USP48: variants seen among roughly 807,000 people sequenced by gnomAD.
USP48 encodes ubiquitin specific peptidase 48.
Under a neutral mutation model 150.7 loss-of-function variants are expected in USP48, and 43 were observed. The observed-to-expected ratio is 0.29, with a 90% CI of 0.22 to 0.37. USP48 has a LOEUF of 0.37. Ranked by LOEUF, USP48 falls within the 10% of genes least tolerant of loss-of-function variation. USP48 has a pLI of 1.00. For synonymous variants in USP48, 396 were observed against 425.9 expected, an observed-to-expected ratio of 0.93 and a Z score of 0.86; for missense variants, 813 against 1,249.6, an observed-to-expected ratio of 0.65 and a Z score of 5.27.
intron 12 of USP48, 40 bp downstream of exon 12, chr1:21,723,858 G>T: frequency 1.3e-6 from 2 of 1,554,728 alleles, no homozygotes; most frequent in Non-Finnish European, 1.8e-6. Context: ...AAGATTTAAT[G>T]AGCTGCTCTT....
chr1:21,716,270 G>C (rs1200094741), intron 14 of USP48, among the ~76,000 whole-genome samples: 4 of 151,978 alleles, frequency 2.6e-5, no homozygotes, highest in Non-Finnish European at 5.9e-5. Flanking sequence ...CTTCCACTTT[G>C]AGATCATTAT....
rs897672355 is a variant in USP48 at position 21,693,540 on chromosome 1, A to C, written c.2883+1526T>G. ...GTGTGAACAGCTGCCATCTTCTAGC[A>C]GCTCATTCGGGCAGGTACATGCTCT... On this transcript the variant is annotated intron_variant, in intron 23 of 26. Coordinates refer to ENST00000308271, the MANE Select transcript of USP48 (RefSeq NM_032236.8). Among the ~76,000 whole-genome samples, 13 of 152,354 alleles carry C rather than the reference A, an allele frequency of 8.5e-5. No homozygotes were observed. The South Asian group carries it at 1.9e-3, about 22-fold the overall frequency.
chr1:21,706,814 C>T lies in USP48; in HGVS notation c.2018G>A (p.Ser673Asn). The part of the protein sequence containing the change: ...ERRLVSKEAW[S>N]KLQQYFPKAP... ...CTTTGGAAAGTACTGCTGCAGTTTG[C>T]TCCAAGCCTCTTTAGAAACAAGCCT... Residue 673 changes from serine (S) to asparagine (N), a missense_variant, in exon 16 of 27, where the codon AGC (serine) becomes AAC (asparagine). Transcript: ENST00000308271. The T allele has an allele frequency of 1.9e-6, 3 of 1,613,620 alleles. No individual in the cohort carries two copies. The highest frequency in any genetic ancestry group is 2.5e-6 in the Non-Finnish European group (3 of 1,179,968).
chr1:21,744,720 T>C (rs2097790130), intron 8 of USP48, among the ~76,000 whole-genome samples: 1 of 131,798 alleles, frequency 7.6e-6, no homozygotes, highest in Non-Finnish European at 1.5e-5. Context: ...GAGGGTGCAG[T>C]GAGCCGAGAT....
intron 22 of USP48, among the ~76,000 whole-genome samples, chr1:21,695,675 C>T (rs959379259): frequency 4.6e-5 from 7 of 152,184 alleles, no homozygotes; most frequent in African/African-American, 1.7e-4. Flanking sequence ...CACCACTGGA[C>T]TCCAGTCTGC....
intron 8 of USP48, among the ~76,000 whole-genome samples, chr1:21,741,118 T>C (rs1261507456): frequency 2.0e-5 from 3 of 152,184 alleles, no homozygotes; most frequent in Non-Finnish European, 4.4e-5. Flanking sequence ...GTGAGAATAA[T>C]AAATCAATTA....
chr1:21,679,517 C>T, intron 26 of USP48, 78 bp from the exon 27 acceptor site: 3 of 1,540,010 alleles, frequency 1.9e-6, no homozygotes, highest in Non-Finnish European at 2.7e-6. Context: ...ACCAAGAACA[C>T]ATCATCAACA....
chr1:21,752,734 G>C, intron 4 of USP48, 83 bp from the exon 5 acceptor site: 1 of 1,422,626 alleles, frequency 7.0e-7, no homozygotes, highest in South Asian at 1.4e-5. Context: ...CAACATTCCA[G>C]AAACTACCTA....
At chr1:21,706,081 C>T (rs2097671513) in intron 18 of USP48, 45 bp downstream of exon 18, 4 of 1,592,410 alleles carry the variant, frequency 2.5e-6, no homozygotes, top group Admixed American at 3.4e-5. Context: ...CCAGAGTCAA[C>T]CAAATCAGTA....
intron 1 of USP48, among the ~76,000 whole-genome samples, chr1:21,765,874 C>A (rs1312422144): frequency 7.4e-6 from 1 of 135,422 alleles, no homozygotes; most frequent in Admixed American, 7.7e-5. Flanking sequence ...GTGCTCCGGC[C>A]TGGGCAACAA....
At chr1:21,701,104 T>G (rs1422977637) in intron 22 of USP48, among the ~76,000 whole-genome samples, 2 of 147,440 alleles carry the variant, frequency 1.4e-5, no homozygotes, top group African/African-American at 5.0e-5. Context: ...CGGTGGCTCC[T>G]GCCTGTAATC....
At chr1:21,723,114 AAT>A (rs2097726216) in intron 12 of USP48, among the ~76,000 whole-genome samples, 1 of 152,210 alleles carries the variant, frequency 6.6e-6, no homozygotes, top group Non-Finnish European at 1.5e-5. Flanking sequence ...GCCAAAACAA[AAT>A]ACTATGGTTG....
intron 25 of USP48, 174 bp downstream of exon 25, chr1:21,687,017 A>C: frequency 1.6e-6 from 1 of 642,816 alleles, no homozygotes; most frequent in Non-Finnish European, 2.6e-6. Flanking sequence ...GTTTTTGTAG[A>C]TATCTTTCCC....
At chr1:21,722,578 C>T (rs2097724474) in intron 12 of USP48, among the ~76,000 whole-genome samples, 1 of 150,218 alleles carries the variant, frequency 6.7e-6, no homozygotes, top group Non-Finnish European at 1.5e-5. Context: ...GATATGGTGG[C>T]CCATTCTTGT....
chr1:21,777,368 A>G (rs2097902438), intron 1 of USP48, among the ~76,000 whole-genome samples: 4 of 151,228 alleles, frequency 2.6e-5, no homozygotes, highest in South Asian at 2.1e-4. Flanking sequence ...AAAAGCGTCA[A>G]AAAAAAAATA....
intron 7 of USP48, among the ~76,000 whole-genome samples, chr1:21,747,659 G>C (rs1476515776): frequency 1.3e-5 from 2 of 151,636 alleles, no homozygotes; most frequent in Non-Finnish European, 2.9e-5. Flanking sequence ...TGCAACCTCC[G>C]CCTCCTGGGT....
Position 21,775,725 on chromosome 1 carries a change from G to A in USP48, c.134+7099C>T, listed in dbSNP as rs114151335. 1.8e-3 allele frequency among the ~76,000 whole-genome samples: 278 copies of A among 152,306 alleles called. 1 individual carries two copies. Among genetic ancestry groups the A allele is most frequent in the African/African-American group, 6.4e-3 (266 of 41,576 alleles). The stretch of plus-strand genomic sequence containing the variant: ...TTGTACTCCCTATACACGGCTGGAA[G>A]CATAAGTAAATCCAGCCTTTGAAAA... On this transcript the variant is annotated intron_variant, in intron 1 of 26. Coordinates refer to ENST00000308271, the MANE Select transcript of USP48 (RefSeq NM_032236.8).
At chr1:21,736,922 T>G (rs1032987044) in intron 8 of USP48, among the ~76,000 whole-genome samples, 2 of 152,208 alleles carry the variant, frequency 1.3e-5, no homozygotes, top group Non-Finnish European at 2.9e-5. Context: ...CTACACACCG[T>G]GCTCTTCAGC....
chr1:21,711,008 T>C (rs1384975511), intron 15 of USP48, among the ~76,000 whole-genome samples: 1 of 151,964 alleles, frequency 6.6e-6, no homozygotes, highest in South Asian at 2.1e-4. Context: ...GGGGTCTCAC[T>C]ATGTTGCCCA....
Sources: gnomAD v4.1 joint callset for allele counts (sites outside exome capture counted in the v4.1 genomes callset) on GRCh38, gnomAD v4.1.1 for gene constraint, MANE v1.5 for transcripts, NCBI Gene and HGNC (gene_info 2026-07-23, HGNC 2026-07-21) for gene names.